The following SNRPF variants were observed in gnomAD, a reference collection of about 807,000 sequenced individuals.
SNRPF encodes the protein small nuclear ribonucleoprotein polypeptide F, also known as small nuclear ribonucleoprotein F.
In SNRPF, 1 loss-of-function variant was observed where a neutral mutation model predicts 13.4. The ratio of observed to expected loss-of-function variants is 0.07; its 90% CI spans 0.03 to 0.35. The LOEUF (loss-of-function observed/expected upper bound fraction) is 0.35, where lower values mean the gene tolerates loss of function less well. Ranked by LOEUF, SNRPF falls within the 10% of genes least tolerant of loss-of-function variation. The probability of loss-of-function intolerance (pLI) is 0.99; values close to 1 mark genes in which losing one functional copy is unlikely to be tolerated. For synonymous variants in SNRPF, 27 were observed against 32.1 expected, an observed-to-expected ratio of 0.84 and a Z score of 0.54; for missense variants, 53 against 101.0, an observed-to-expected ratio of 0.52 and a Z score of 2.04.
At chr12:95,861,374 A>G (rs563477572) in intron 2 of SNRPF, 81 bp downstream of exon 2, 69 of 1,297,154 alleles carry the variant, frequency 5.3e-5, no homozygotes, top group Non-Finnish European at 7.2e-5. Flanking sequence ...TCTGACTAAT[A>G]AGAATACATA....
intron 2 of SNRPF, among the ~76,000 whole-genome samples, chr12:95,862,531 A>G (rs953694952): frequency 1.3e-5 from 2 of 152,130 alleles, no homozygotes; most frequent in African/African-American, 4.8e-5. Context: ...TGGGCAACAT[A>G]GTGAAACTGC....
chr12:95,860,853 T>C (rs1337337275), intron 1 of SNRPF, among the ~76,000 whole-genome samples: 1 of 13,146 alleles, frequency 7.6e-5, no homozygotes, highest in South Asian at 2.0e-3. Context: ...CCTGGCCCGC[T>C]TTTTTTTTTT....
At chr12:95,861,120 G>C in intron 1 of SNRPF, 48 bp from the exon 2 acceptor site, 1 of 1,558,078 alleles carries the variant, frequency 6.4e-7, no homozygotes, top group Non-Finnish European at 8.7e-7. Context: ...GAGAGTTGGT[G>C]GTGGGAGGAA....
intron 2 of SNRPF, among the ~76,000 whole-genome samples, chr12:95,863,670 G>A (rs2079507560): frequency 6.6e-6 from 1 of 152,240 alleles, no homozygotes; most frequent in East Asian, 1.9e-4. Flanking sequence ...TAATAGGCAT[G>A]ATAGATGCCA....
chr12:95,862,155 G>A (rs979723029), intron 2 of SNRPF, among the ~76,000 whole-genome samples: 11 of 152,064 alleles, frequency 7.2e-5, no homozygotes, highest in African/African-American at 2.2e-4. Context: ...TTGACTTAAC[G>A]TAGTGTATTA....
intron 1 of SNRPF, among the ~76,000 whole-genome samples, chr12:95,859,425 T>C (rs1272156336): frequency 6.6e-6 from 1 of 152,222 alleles, no homozygotes; most frequent in Admixed American, 6.5e-5. Flanking sequence ...GATACGGCCA[T>C]GCTCTAGATT....
At chr12:95,860,498 A>G (rs1176665249) in intron 1 of SNRPF, among the ~76,000 whole-genome samples, 1 of 152,212 alleles carries the variant, frequency 6.6e-6, no homozygotes, top group Non-Finnish European at 1.5e-5. Context: ...AGCATGCAAT[A>G]TAATTATTTG....
chr12:95,860,316 C>T (rs2079489268), intron 1 of SNRPF, among the ~76,000 whole-genome samples: 1 of 152,192 alleles, frequency 6.6e-6, no homozygotes, highest in African/African-American at 2.4e-5. Context: ...CATCACTCTT[C>T]CCTCCTTTTA....
chr12:95,862,963 G>T (rs370506108), intron 2 of SNRPF, among the ~76,000 whole-genome samples: 1 of 151,936 alleles, frequency 6.6e-6, no homozygotes. Flanking sequence ...AGAAATGCCT[G>T]TTCATGTCTT....
intron 2 of SNRPF, among the ~76,000 whole-genome samples, chr12:95,863,525 T>C (rs1184143555): frequency 6.6e-6 from 1 of 152,218 alleles, no homozygotes; most frequent in African/African-American, 2.4e-5. Flanking sequence ...ATACCAGTGT[T>C]TGAATTTGTT....
chr12:95,859,996 C>T (rs2079487369), intron 1 of SNRPF, among the ~76,000 whole-genome samples: 1 of 152,096 alleles, frequency 6.6e-6, no homozygotes, highest in Admixed American at 6.5e-5. Flanking sequence ...AAGATCACTC[C>T]GAATATGCTC....
At chr12:95,864,908 A>T (rs972217126) in intron 2 of SNRPF, among the ~76,000 whole-genome samples, 34 of 152,350 alleles carry the variant, frequency 2.2e-4, no homozygotes, top group African/African-American at 6.7e-4. Flanking sequence ...TTCTTAAAAG[A>T]CAGGAAAAGA....
chr12:95,864,478 G>A (rs1240422808), intron 2 of SNRPF, among the ~76,000 whole-genome samples: 3 of 152,162 alleles, frequency 2.0e-5, no homozygotes, highest in Non-Finnish European at 2.9e-5. Flanking sequence ...TCAGACATTC[G>A]ATTCATAATA....
At chr12:95,862,157 A>G (rs2079499303) in intron 2 of SNRPF, among the ~76,000 whole-genome samples, 1 of 152,098 alleles carries the variant, frequency 6.6e-6, no homozygotes, top group African/African-American at 2.4e-5. Context: ...GACTTAACGT[A>G]GTGTATTATT....
chr12:95,859,991 C>A (rs1329011053), intron 1 of SNRPF, among the ~76,000 whole-genome samples: 1 of 152,186 alleles, frequency 6.6e-6, no homozygotes, highest in Non-Finnish European at 1.5e-5. Flanking sequence ...ATATCAAGAT[C>A]ACTCCGAATA....
At chr12:95,864,757 G>A (rs1403945498) in intron 2 of SNRPF, among the ~76,000 whole-genome samples, 3 of 152,156 alleles carry the variant, frequency 2.0e-5, no homozygotes, top group East Asian at 3.9e-4. Flanking sequence ...AAATTGTTTC[G>A]AAGTAGCCAG....
chr12:95,859,404 G>C (rs1166681157), intron 1 of SNRPF, among the ~76,000 whole-genome samples: 1 of 152,196 alleles, frequency 6.6e-6, no homozygotes, highest in Non-Finnish European at 1.5e-5. Context: ...CTTTCATTCC[G>C]TGAAAGTAAT....
chr12:95,859,894 T>G (rs960290686), intron 1 of SNRPF, among the ~76,000 whole-genome samples: 2 of 152,196 alleles, frequency 1.3e-5, no homozygotes, highest in African/African-American at 4.8e-5. Context: ...CAATCTGATG[T>G]GCACTTTAAA....
chr12:95,861,418 A>C, intron 2 of SNRPF, 125 bp downstream of exon 2: 1 of 849,500 alleles, frequency 1.2e-6, no homozygotes, highest in South Asian at 1.5e-5. Flanking sequence ...CAAAATTCAA[A>C]AATAAAGTCA....
Sources: allele counts gnomAD v4.1 joint callset (sites outside exome capture counted in the v4.1 genomes callset), GRCh38; gene constraint gnomAD v4.1.1; transcripts MANE v1.5; gene names NCBI Gene and HGNC (gene_info 2026-07-23, HGNC 2026-07-21).